The following QSER1 variants were observed in gnomAD, a reference collection of about 807,000 sequenced individuals.
The protein encoded by QSER1 is glutamine and serine rich 1.
Under a neutral mutation model 158.5 loss-of-function variants are expected in QSER1, and 49 were observed. The ratio of observed to expected loss-of-function variants is 0.31; its 90% CI spans 0.25 to 0.39. QSER1 has a LOEUF of 0.39. Ranked by LOEUF, QSER1 falls within the 10% of genes least tolerant of loss-of-function variation. The pLI is 1.00. For missense variants in QSER1, 1,754 were observed against 2,010.3 expected, an observed-to-expected ratio of 0.87 and a Z score of 2.44; for synonymous variants, 650 against 715.5, an observed-to-expected ratio of 0.91 and a Z score of 1.46.
intron 1 of QSER1, among the ~76,000 whole-genome samples, chr11:32,904,339 G>A (rs1238045149): frequency 6.6e-6 from 1 of 152,032 alleles, no homozygotes; most frequent in Non-Finnish European, 1.5e-5. Flanking sequence ...ATTAAGGCAT[G>A]CGCCACCCCA....
intron 1 of QSER1, among the ~76,000 whole-genome samples, chr11:32,926,525 G>C (rs1012564815): frequency 2.6e-5 from 4 of 152,070 alleles, no homozygotes; most frequent in Non-Finnish European, 5.9e-5. Context: ...ACAGGTATAT[G>C]GTGTTCATTG....
At chr11:32,922,799 A>T (rs903478408) in intron 1 of QSER1, among the ~76,000 whole-genome samples, 9 of 151,618 alleles carry the variant, frequency 5.9e-5, no homozygotes, top group African/African-American at 2.2e-4. Flanking sequence ...TTTTTTTTTA[A>T]GTAACAACTT....
chr11:32,896,721 T>G (rs999592016), intron 1 of QSER1, among the ~76,000 whole-genome samples: 4 of 152,198 alleles, frequency 2.6e-5, no homozygotes, highest in African/African-American at 9.7e-5. Flanking sequence ...AAATAACTTT[T>G]GGCACCAGTT....
chr11:32,947,625 C>T (rs1445679976), intron 4 of QSER1, among the ~76,000 whole-genome samples: 1 of 152,048 alleles, frequency 6.6e-6, no homozygotes, highest in Non-Finnish European at 1.5e-5. Flanking sequence ...GGTTTGTATT[C>T]TCTACTTTTG....
chr11:32,929,718 G>T (rs759171784), intron 3 of QSER1, among the ~76,000 whole-genome samples: 34 of 152,162 alleles, frequency 2.2e-4, no homozygotes, highest in Admixed American at 7.2e-4. Context: ...CTTTTGGCAT[G>T]TTTGAGATTA....
At chr11:32,935,779 T>C (rs1288683551) in intron 4 of QSER1, among the ~76,000 whole-genome samples, 1 of 152,246 alleles carries the variant, frequency 6.6e-6, no homozygotes, top group Non-Finnish European at 1.5e-5. Context: ...GCCAATTTTA[T>C]CTGAAGATTA....
chr11:32,911,418 T>A (rs1433725357), intron 1 of QSER1, among the ~76,000 whole-genome samples: 4 of 146,092 alleles, frequency 2.7e-5, no homozygotes, highest in African/African-American at 9.8e-5. Context: ...TTAGAAGAAA[T>A]AAAAAAATAA....
intron 8 of QSER1, among the ~76,000 whole-genome samples, chr11:32,958,615 T>TA (rs1218866163): frequency 6.6e-6 from 1 of 152,094 alleles, no homozygotes; most frequent in East Asian, 1.9e-4. Flanking sequence ...CTCCTGGGCT[T>TA]AAGCAGTCCT....
At chr11:32,948,139 T>G (rs1158599875) in intron 4 of QSER1, among the ~76,000 whole-genome samples, 2 of 152,094 alleles carry the variant, frequency 1.3e-5, no homozygotes, top group Non-Finnish European at 2.9e-5. Flanking sequence ...TCCAAATAAC[T>G]CTTGGCTTAA....
In QSER1 at chr11:32,955,381, A is replaced by G; in HGVS notation, c.4586A>G (p.Asp1529Gly). 2 of 1,594,334 alleles carry G rather than the reference A, an allele frequency of 1.3e-6. No homozygotes were observed. The highest frequency in any genetic ancestry group is 2.3e-5 in the South Asian group (2 of 87,718). Residue 1529 changes from aspartate (D) to glycine (G), a missense_variant, in exon 6 of 13, where the codon GAT becomes GGT. Asp to Gly is a moderately conservative substitution (Grantham distance 94, BLOSUM62 -1). This residue lies in a region of QSER1 where 1,707 missense variants were observed against 1,919.6 expected (regional missense o/e 0.89). Coordinates refer to ENST00000650167, the MANE Select transcript of QSER1 (RefSeq NM_001076786.3). ...CAGAAATTTGTTCCTGAAATTCGAG[A>G]TGGTCAAAGAGAATTTGCTGCTACA... The part of the protein sequence containing the change: ...LLQKFVPEIR[D>G]GQREFAATNS...
At chr11:32,899,077 C>T (rs1035876562) in intron 1 of QSER1, among the ~76,000 whole-genome samples, 6 of 152,194 alleles carry the variant, frequency 3.9e-5, no homozygotes, top group Non-Finnish European at 8.8e-5. Flanking sequence ...ATTTTACTTT[C>T]ATATTCTTAG....
intron 3 of QSER1, 147 bp downstream of exon 3, chr11:32,928,270 A>G: frequency 1.7e-6 from 1 of 600,804 alleles, no homozygotes; most frequent in East Asian, 2.8e-5. Context: ...CAAAATTTTC[A>G]GGTGGATAAA....
intron 9 of QSER1, among the ~76,000 whole-genome samples, chr11:32,968,269 T>A (rs1161745539): frequency 6.6e-6 from 1 of 152,184 alleles, no homozygotes; most frequent in Non-Finnish European, 1.5e-5. Flanking sequence ...ACCTGGATTC[T>A]GGGTTGTTGT....
chr11:32,936,443 A>G (rs1019552083), intron 4 of QSER1, among the ~76,000 whole-genome samples: 14 of 152,158 alleles, frequency 9.2e-5, no homozygotes, highest in Non-Finnish European at 1.9e-4. Flanking sequence ...TCATTGTTGG[A>G]CATTTGGCAT....
chr11:32,922,502 T>TTTTA (rs1851911960), intron 1 of QSER1, among the ~76,000 whole-genome samples: 1 of 73,006 alleles, frequency 1.4e-5, no homozygotes, highest in African/African-American at 4.6e-5. Flanking sequence ...TTTTTTTTTT[T>TTTTA]GAGCCAGAGT....
At chr11:32,902,516 C>T (rs1851638370) in intron 1 of QSER1, among the ~76,000 whole-genome samples, 1 of 152,220 alleles carries the variant, frequency 6.6e-6, no homozygotes, top group Non-Finnish European at 1.5e-5. Flanking sequence ...TAAATATCAT[C>T]TCTTCGCAAA....
chr11:32,936,790 T>A (rs890777424), intron 4 of QSER1, among the ~76,000 whole-genome samples: 1 of 152,190 alleles, frequency 6.6e-6, no homozygotes, highest in Non-Finnish European at 1.5e-5. Context: ...GTAACATACT[T>A]CCCAGCTTCT....
chr11:32,910,626 A>C (rs1029966691), intron 1 of QSER1, among the ~76,000 whole-genome samples: 1 of 152,206 alleles, frequency 6.6e-6, no homozygotes, highest in African/African-American at 2.4e-5. Context: ...ATAGAGACTT[A>C]AGTTGAAATT....
At chr11:32,964,526 C>A (rs1442726966) in intron 8 of QSER1, among the ~76,000 whole-genome samples, 1 of 151,656 alleles carries the variant, frequency 6.6e-6, no homozygotes, top group Non-Finnish European at 1.5e-5. Context: ...GTCTTGGGGT[C>A]CCCCCTGGGG....
Sources: gnomAD v4.1 joint callset for allele counts (sites outside exome capture counted in the v4.1 genomes callset) on GRCh38, gnomAD v4.1.1 for gene constraint, gnomAD v4.1.1 regional missense constraint, MANE v1.5 for transcripts, NCBI Gene and HGNC (gene_info 2026-07-23, HGNC 2026-07-21) for gene names.